The following DOCK4 variants were observed in gnomAD, a reference collection of about 807,000 sequenced individuals.
DOCK4 encodes the protein dedicator of cytokinesis 4, also known as dedicator of cytokinesis protein 4.
Under a neutral mutation model 268.1 loss-of-function variants are expected in DOCK4, and 97 were observed. That is an observed-to-expected ratio of 0.36 (90% confidence interval 0.31 to 0.43). The LOEUF is 0.43. Among genes scored for constraint, DOCK4 ranks in the 20% least tolerant of loss-of-function variants. The pLI is 1.00. For synonymous variants in DOCK4, 954 were observed against 887.2 expected, an observed-to-expected ratio of 1.08 and a Z score of -1.34; for missense variants, 2,145 against 2,455.7, an observed-to-expected ratio of 0.87 and a Z score of 2.67.
chr7:111,924,549 T>C (rs1010657744), intron 12 of DOCK4, among the ~76,000 whole-genome samples: 2 of 152,208 alleles, frequency 1.3e-5, no homozygotes, highest in Admixed American at 6.5e-5. Context: ...ACCAACTCTC[T>C]TGATTCTTAC....
intron 42 of DOCK4, among the ~76,000 whole-genome samples, chr7:111,752,659 T>C (rs1385586437): frequency 6.9e-6 from 1 of 144,998 alleles, no homozygotes; most frequent in Non-Finnish European, 1.5e-5. Flanking sequence ...TGATCTCAGC[T>C]CACTGCAACC....
intron 36 of DOCK4, among the ~76,000 whole-genome samples, chr7:111,771,090 T>C (rs1282405735): frequency 6.6e-6 from 1 of 152,232 alleles, no homozygotes; most frequent in Non-Finnish European, 1.5e-5. Flanking sequence ...TCAATGCAAA[T>C]AAATGATCAT....
chr7:111,941,350 T>A (rs1460213306), intron 10 of DOCK4, among the ~76,000 whole-genome samples: 1 of 152,208 alleles, frequency 6.6e-6, no homozygotes, highest in Non-Finnish European at 1.5e-5. Context: ...TATGTCATAC[T>A]TGAATTTAAT....
intron 1 of DOCK4, among the ~76,000 whole-genome samples, chr7:112,016,074 A>C (rs998811982): frequency 1.3e-5 from 2 of 152,244 alleles, no homozygotes; most frequent in Non-Finnish European, 2.9e-5. Context: ...CATTTAAACC[A>C]TAACTTATAC....
intron 12 of DOCK4, among the ~76,000 whole-genome samples, chr7:111,918,591 C>G (rs906527474): frequency 1.3e-5 from 2 of 152,332 alleles, no homozygotes; most frequent in Non-Finnish European, 1.5e-5. Flanking sequence ...TCTGTCCCAG[C>G]AGCTATTTCT....
chr7:111,788,602 C>G, intron 32 of DOCK4, 60 bp downstream of exon 32: 1 of 1,394,488 alleles, frequency 7.2e-7, no homozygotes, highest in Non-Finnish European at 1.0e-6. Flanking sequence ...TGCAGAGAGG[C>G]TCAGTACTGA....
intron 22 of DOCK4, among the ~76,000 whole-genome samples, chr7:111,865,704 C>A (rs1048644459): frequency 4.6e-5 from 7 of 152,138 alleles, no homozygotes; most frequent in African/African-American, 1.7e-4. Flanking sequence ...TGGGCCTCAC[C>A]CAATCACATG....
At chr7:111,804,980 T>A (rs1263050024) in intron 30 of DOCK4, among the ~76,000 whole-genome samples, 2 of 152,200 alleles carry the variant, frequency 1.3e-5, no homozygotes, top group Admixed American at 6.5e-5. Context: ...CAGGATGATG[T>A]GTTCAGTGCT....
At chr7:111,950,946 G>T (rs1224358573) in intron 8 of DOCK4, among the ~76,000 whole-genome samples, 2 of 152,182 alleles carry the variant, frequency 1.3e-5, no homozygotes, top group Non-Finnish European at 2.9e-5. Flanking sequence ...ACTGAGAAAT[G>T]AGAGTTGGTA....
intron 1 of DOCK4, among the ~76,000 whole-genome samples, chr7:112,022,680 A>G (rs1802429039): frequency 1.3e-5 from 2 of 152,228 alleles, no homozygotes; most frequent in South Asian, 4.1e-4. Context: ...TGTTCAGCAC[A>G]GTGATGAGCA....
Position 111,901,810 on chromosome 7 carries a change from A to G in DOCK4, c.1193-9T>C. The stretch of plus-strand genomic sequence containing the variant: ...ATCATTCCTCATTTCACCTATAAGG[A>G]AAGGAAAATTAAAACCATGTTATAT... On this transcript the variant is annotated splice_polypyrimidine_tract_variant and intron_variant, in intron 13 of 52. Transcript: ENST00000428084. The G allele has an allele frequency of 6.5e-7, 1 of 1,538,774 alleles. No homozygotes were observed. Among genetic ancestry groups the G allele is most frequent in the South Asian group, 1.2e-5 (1 of 85,932 alleles).
chr7:112,039,937 T>A (rs1804206791), intron 1 of DOCK4, among the ~76,000 whole-genome samples: 2 of 152,144 alleles, frequency 1.3e-5, no homozygotes, highest in South Asian at 4.1e-4. Flanking sequence ...GACCCTACCA[T>A]ACAACACATT....
chr7:112,030,090 G>A (rs1803144619), intron 1 of DOCK4, among the ~76,000 whole-genome samples: 1 of 152,166 alleles, frequency 6.6e-6, no homozygotes, highest in Non-Finnish European at 1.5e-5. Context: ...CAATTCAAAT[G>A]CTGGCTTCAG....
intron 39 of DOCK4, among the ~76,000 whole-genome samples, chr7:111,761,612 T>G (rs564301095): frequency 1.6e-4 from 24 of 152,052 alleles, no homozygotes; most frequent in Non-Finnish European, 3.2e-4. Flanking sequence ...GAGGTTCTTA[T>G]GTAAAACGCC....
intron 1 of DOCK4, among the ~76,000 whole-genome samples, chr7:112,084,403 C>G (rs1808875620): frequency 6.6e-6 from 1 of 152,150 alleles, no homozygotes; most frequent in Non-Finnish European, 1.5e-5. Flanking sequence ...TAGAAAATTT[C>G]ATTTATACAG....
At chr7:111,840,710 C>G in intron 25 of DOCK4, 1 of 931,520 alleles carries the variant, frequency 1.1e-6, no homozygotes, top group South Asian at 1.7e-5. Flanking sequence ...ATGGTGCTTA[C>G]AGAGCACTGG....
At chr7:112,063,113 T>C (rs956945253) in intron 1 of DOCK4, among the ~76,000 whole-genome samples, 11 of 152,092 alleles carry the variant, frequency 7.2e-5, no homozygotes, top group African/African-American at 2.7e-4. Context: ...GCACACAGAA[T>C]CTCCCAGTTT....
intron 8 of DOCK4, among the ~76,000 whole-genome samples, chr7:111,970,136 C>G (rs1797591393): frequency 6.6e-6 from 1 of 152,122 alleles, no homozygotes; most frequent in African/African-American, 2.4e-5. Context: ...AAACCCTCGA[C>G]AGACCCCTTA....
intron 5 of DOCK4, among the ~76,000 whole-genome samples, chr7:111,993,387 A>G (rs1056833620): frequency 1.3e-5 from 2 of 152,196 alleles, no homozygotes; most frequent in African/African-American, 4.8e-5. Flanking sequence ...CACCACCCCC[A>G]GACTTCCACA....
Sources: gnomAD v4.1 joint callset for allele counts (sites outside exome capture counted in the v4.1 genomes callset) on GRCh38, gnomAD v4.1.1 for gene constraint, MANE v1.5 for transcripts, NCBI Gene and HGNC (gene_info 2026-07-23, HGNC 2026-07-21) for gene names.